Variants in ARHGAP6 observed in about 807,000 individuals in gnomAD.
The protein encoded by ARHGAP6 is Rho GTPase activating protein 6.
Under a neutral mutation model 55.7 loss-of-function variants are expected in ARHGAP6, and 16 were observed. The observed-to-expected ratio is 0.29, with a 90% CI of 0.19 to 0.44. The LOEUF is 0.44. ARHGAP6 is among the 20% of genes least tolerant of loss of function. ARHGAP6 has a pLI of 1.00. For synonymous variants in ARHGAP6, 382 were observed against 360.9 expected, an observed-to-expected ratio of 1.06 and a Z score of -0.66; for missense variants, 698 against 808.9, an observed-to-expected ratio of 0.86 and a Z score of 1.66.
chrX:11,289,679 C>A lies in ARHGAP6; in HGVS notation c.589-34972G>T, dbSNP rs2047962472. ...TTGAACCAGCCCCGCTATTGGTAGA[C>A]ATTTTGTTTTAAATGTTACTTCATA... is the stretch of plus-strand genomic sequence containing the variant. On this transcript the variant is annotated intron_variant, in intron 1 of 12. Coordinates refer to ENST00000337414, the MANE Select transcript of ARHGAP6 (RefSeq NM_013427.3). 2.7e-5 allele frequency among the ~76,000 whole-genome samples: 3 copies of A among 112,211 alleles called. No individual in the cohort carries two copies. In the South Asian group the frequency reaches 1.1e-3, roughly 42 times the overall value.
chrX:11,593,491 G>A (rs1468623415), intron 1 of ARHGAP6, among the ~76,000 whole-genome samples: 1 of 112,013 alleles, frequency 8.9e-6, no homozygotes, highest in Non-Finnish European at 1.9e-5. Context: ...AAACTATTCT[G>A]TATGATACTA....
intron 2 of ARHGAP6, among the ~76,000 whole-genome samples, chrX:11,228,670 G>A (rs1338347078): frequency 8.9e-6 from 1 of 112,119 alleles, no homozygotes; most frequent in African/African-American, 3.2e-5. Context: ...GTAAGCACTG[G>A]AATATTTTAT....
At chrX:11,218,391 A>C (rs2046911887) in intron 2 of ARHGAP6, among the ~76,000 whole-genome samples, 1 of 111,375 alleles carries the variant, frequency 9.0e-6, no homozygotes, top group Admixed American at 9.6e-5. Flanking sequence ...CCTTCACATT[A>C]ATGTTAATCA....
chrX:11,330,739 A>G (rs1377050300), intron 1 of ARHGAP6, among the ~76,000 whole-genome samples: 2 of 111,944 alleles, frequency 1.8e-5, no homozygotes, highest in African/African-American at 6.5e-5. Context: ...GACCCACGGT[A>G]AGAAGGTGGC....
intron 3 of ARHGAP6, among the ~76,000 whole-genome samples, chrX:11,190,946 C>CA (rs2046450491): frequency 8.9e-6 from 1 of 112,667 alleles, no homozygotes; most frequent in African/African-American, 3.2e-5. Context: ...CCCTCCTTTG[C>CA]ATGAGATGTA....
chrX:11,638,098 C>A (rs2052437427), intron 1 of ARHGAP6, among the ~76,000 whole-genome samples: 1 of 110,992 alleles, frequency 9.0e-6, no homozygotes, highest in African/African-American at 3.3e-5. Flanking sequence ...TGGTTGGGCA[C>A]CCTTTGAAAG....
intron 1 of ARHGAP6, among the ~76,000 whole-genome samples, chrX:11,309,064 C>T (rs962364865): frequency 3.6e-5 from 4 of 111,657 alleles, no homozygotes; most frequent in East Asian, 2.8e-4. Flanking sequence ...ACACATTGAG[C>T]AAATCCCTCC....
chrX:11,557,578 A>G (rs139425397), intron 1 of ARHGAP6, among the ~76,000 whole-genome samples: 1 of 111,991 alleles, frequency 8.9e-6, no homozygotes, highest in Non-Finnish European at 1.9e-5. Context: ...GAACAAAATC[A>G]TTTCAGGAAC....
intron 1 of ARHGAP6, among the ~76,000 whole-genome samples, chrX:11,479,760 C>A (rs2050437606): frequency 1.8e-5 from 2 of 111,908 alleles, no homozygotes; most frequent in Non-Finnish European, 3.8e-5. Context: ...TAAAAGTGAA[C>A]CTTGGCCCCA....
At chrX:11,289,909 C>T (rs1372006572) in intron 1 of ARHGAP6, among the ~76,000 whole-genome samples, 3 of 111,662 alleles carry the variant, frequency 2.7e-5, no homozygotes, top group Middle Eastern at 4.2e-3. Flanking sequence ...CACTTAAACC[C>T]GGGAGGCAGA....
intron 1 of ARHGAP6, among the ~76,000 whole-genome samples, chrX:11,362,142 A>C (rs2049020353): frequency 8.9e-6 from 1 of 111,981 alleles, no homozygotes; most frequent in Admixed American, 9.4e-5. Flanking sequence ...TGACCCAGCC[A>C]TCCCATTACT....
chrX:11,617,207 G>T, intron 1 of ARHGAP6, among the ~76,000 whole-genome samples: 1 of 111,758 alleles, frequency 8.9e-6, no homozygotes, highest in East Asian at 2.8e-4. Context: ...TAATATTTTG[G>T]ATCTACTGAA....
At chrX:11,643,434 A>G (rs1192061342) in intron 1 of ARHGAP6, among the ~76,000 whole-genome samples, 1 of 112,136 alleles carries the variant, frequency 8.9e-6, no homozygotes, top group African/African-American at 3.2e-5. Flanking sequence ...TTGTTTCCAA[A>G]ACACTTTATA....
intron 8 of ARHGAP6, among the ~76,000 whole-genome samples, chrX:11,176,263 A>G (rs1458302981): frequency 4.5e-5 from 3 of 66,057 alleles, no homozygotes; most frequent in Non-Finnish European, 8.4e-5. Flanking sequence ...ATATATATAT[A>G]TTTGCATATA....
At chrX:11,162,528 T>C (rs748293565) in intron 9 of ARHGAP6, among the ~76,000 whole-genome samples, 26 of 111,298 alleles carry the variant, frequency 2.3e-4, no homozygotes, top group Non-Finnish European at 4.3e-4. Flanking sequence ...CGTCATTCAC[T>C]TACACACTCT....
chrX:11,464,123 T>G (rs946865653), intron 1 of ARHGAP6, among the ~76,000 whole-genome samples: 22 of 112,377 alleles, frequency 2.0e-4, no homozygotes, highest in Admixed American at 6.6e-4. Context: ...ATTGTTTACA[T>G]GCAAAATGAA....
chrX:11,451,478 T>C (rs916301060), intron 1 of ARHGAP6, among the ~76,000 whole-genome samples: 1 of 112,313 alleles, frequency 8.9e-6, no homozygotes, highest in Non-Finnish European at 1.9e-5. Flanking sequence ...AGTAAAACCT[T>C]AGTTACAACT....
At chrX:11,485,126 G>T (rs1360296270) in intron 1 of ARHGAP6, among the ~76,000 whole-genome samples, 1 of 112,180 alleles carries the variant, frequency 8.9e-6, no homozygotes, top group Non-Finnish European at 1.9e-5. Context: ...TTAAGTAAAA[G>T]AAAACAAAAT....
intron 9 of ARHGAP6, among the ~76,000 whole-genome samples, chrX:11,159,039 A>G (rs2147290517): frequency 8.9e-6 from 1 of 112,222 alleles, no homozygotes; most frequent in African/African-American, 3.2e-5. Flanking sequence ...AGAAAACTCA[A>G]ACTGATGAAG....
Sources: allele counts gnomAD v4.1 joint callset (sites outside exome capture counted in the v4.1 genomes callset), GRCh38; gene constraint gnomAD v4.1.1; transcripts MANE v1.5; gene names NCBI Gene and HGNC (gene_info 2026-07-23, HGNC 2026-07-21).